ROCK1: variants seen among roughly 807,000 people sequenced by gnomAD.
The protein encoded by ROCK1 is rho-associated protein kinase 1.
In ROCK1, 36 loss-of-function variants were observed where a neutral mutation model predicts 196.8. The observed-to-expected ratio is 0.18, with a 90% confidence interval of 0.14 to 0.24. The LOEUF (loss-of-function observed/expected upper bound fraction) is 0.24, where lower values mean the gene tolerates loss of function less well. Among genes scored for constraint, ROCK1 ranks in the 10% least tolerant of loss-of-function variants. The pLI is 1.00. For missense variants in ROCK1, 920 were observed against 1,562.0 expected (o/e 0.59, Z 6.93); for synonymous variants, 443 against 515.9 (o/e 0.86, Z 1.91).
rs1313115401 is a variant in ROCK1, at chr18:21,000,360, T to C, written c.1885+5991A>G. ...TCACTGCAACCGCTGCCTCCCAGGC[T>C]CAAGTGATCCTCCGGCCTCAGTCCC... On this transcript the variant is annotated intron_variant, in intron 16 of 32. Coordinates refer to ENST00000399799, the MANE Select transcript of ROCK1 (RefSeq NM_005406.3). Among the ~76,000 whole-genome samples the C allele has an allele frequency of 2.0e-5, 3 of 151,986 alleles. No homozygotes were observed. In the East Asian group the frequency reaches 5.8e-4, roughly 29 times the overall value.
intron 27 of ROCK1, among the ~76,000 whole-genome samples, chr18:20,961,027 G>A (rs1344170460): frequency 6.6e-6 from 1 of 151,952 alleles, no homozygotes; most frequent in African/African-American, 2.4e-5. Context: ...ATTTGATCAA[G>A]GCATTTTATA....
At chr18:21,067,921 T>C (rs1161466735) in intron 2 of ROCK1, among the ~76,000 whole-genome samples, 1 of 152,188 alleles carries the variant, frequency 6.6e-6, no homozygotes, top group African/African-American at 2.4e-5. Context: ...CCAAATTCAT[T>C]CCCTTGCGTA....
At chr18:20,960,728 A>C (rs1439471634) in intron 27 of ROCK1, 1 of 152,138 alleles carries the variant, frequency 6.6e-6, no homozygotes, top group Non-Finnish European at 1.5e-5. Flanking sequence ...ATAAAGAATA[A>C]GAGACAAGTA....
intron 19 of ROCK1, 89 bp downstream of exon 19, chr18:20,986,861 T>C (rs996584400): frequency 2.6e-6 from 3 of 1,140,834 alleles, no homozygotes; most frequent in South Asian, 3.1e-5. Flanking sequence ...ATCTCCTTCA[T>C]GGTGTTTAAA....
At chr18:21,067,703 TC>T (rs2036348319) in intron 2 of ROCK1, among the ~76,000 whole-genome samples, 1 of 152,166 alleles carries the variant, frequency 6.6e-6, no homozygotes, top group Non-Finnish European at 1.5e-5. Context: ...CTTGATAGTA[TC>T]TTTGAAGCAT....
chr18:21,045,899 GTTTTTTTTTT>G (rs34360056), intron 4 of ROCK1, among the ~76,000 whole-genome samples: 6 of 62,494 alleles, frequency 9.6e-5, no homozygotes, highest in African/African-American at 3.5e-4. Context: ...AGTTTCAGCT[GTTTTTTTTTT>G]TTTTTTTTTT....
intron 16 of ROCK1, among the ~76,000 whole-genome samples, chr18:21,001,486 T>TGC (rs1173810868): frequency 2.6e-5 from 4 of 152,108 alleles, no homozygotes; most frequent in Non-Finnish European, 4.4e-5. Context: ...CAAGGGAGGC[T>TGC]GCCAGGCATG....
At chr18:20,965,070 TGGTCA>T (rs369266074) in intron 27 of ROCK1, among the ~76,000 whole-genome samples, 8 of 152,212 alleles carry the variant, frequency 5.3e-5, no homozygotes, top group African/African-American at 1.9e-4. Flanking sequence ...AAAATAAAAT[TGGTCA>T]GGATTTCGAA....
At chr18:21,015,115 CAT>C (rs998652034) in intron 13 of ROCK1, among the ~76,000 whole-genome samples, 1 of 152,070 alleles carries the variant, frequency 6.6e-6, no homozygotes, top group African/African-American at 2.4e-5. Flanking sequence ...CTCTTTCTGA[CAT>C]AGTTTGAGAT....
At chr18:20,974,971 T>C (rs1481458306) in intron 22 of ROCK1, among the ~76,000 whole-genome samples, 1 of 152,216 alleles carries the variant, frequency 6.6e-6, no homozygotes, top group Non-Finnish European at 1.5e-5. Flanking sequence ...GTCTCCTGAA[T>C]TGTTTAATTT....
intron 4 of ROCK1, among the ~76,000 whole-genome samples, chr18:21,048,723 T>A (rs563281152): frequency 6.6e-6 from 1 of 152,008 alleles, no homozygotes; most frequent in Non-Finnish European, 1.5e-5. Flanking sequence ...ATAATTTTTT[T>A]AATTTTTTGT....
intron 1 of ROCK1, among the ~76,000 whole-genome samples, chr18:21,098,833 TATTA>T (rs1342121054): frequency 2.0e-5 from 3 of 152,176 alleles, no homozygotes; most frequent in Non-Finnish European, 1.5e-5. Context: ...CAGAAATTGA[TATTA>T]ATGTTAGAAT....
intron 22 of ROCK1, among the ~76,000 whole-genome samples, chr18:20,973,906 G>A (rs765373457): frequency 6.7e-6 from 1 of 149,946 alleles, no homozygotes; most frequent in African/African-American, 2.5e-5. Context: ...TCAGCCTCCC[G>A]AGTAGCTGGG....
chr18:21,034,597 AC>A (rs1183893111), intron 9 of ROCK1, among the ~76,000 whole-genome samples: 1 of 152,208 alleles, frequency 6.6e-6, no homozygotes, highest in East Asian at 1.9e-4. Flanking sequence ...ATATCCACAT[AC>A]AAAAATGTTA....
chr18:20,968,747 T>C, intron 25 of ROCK1, 25 bp downstream of exon 25: 1 of 1,367,088 alleles, frequency 7.3e-7, no homozygotes. Flanking sequence ...AATGAACATG[T>C]GGAAAAGATC....
chr18:21,081,689 T>C (rs1274911081), intron 1 of ROCK1, among the ~76,000 whole-genome samples: 1 of 152,136 alleles, frequency 6.6e-6, no homozygotes, highest in Non-Finnish European at 1.5e-5. Flanking sequence ...GACATTCCTA[T>C]CAATTCTACA....
intron 32 of ROCK1, among the ~76,000 whole-genome samples, chr18:20,952,806 A>C (rs2035203291): frequency 6.6e-6 from 1 of 151,856 alleles, no homozygotes; most frequent in South Asian, 2.1e-4. Context: ...GGGGGTCATG[A>C]GTTCACATCC....
chr18:21,028,261 CA>C (rs2143477821), intron 10 of ROCK1, among the ~76,000 whole-genome samples: 1 of 150,966 alleles, frequency 6.6e-6, no homozygotes, highest in South Asian at 2.1e-4. Context: ...ACTAAAAATA[CA>C]AAAATTAGCT....
At chr18:20,965,154 C>T (rs1460316819) in intron 27 of ROCK1, among the ~76,000 whole-genome samples, 1 of 152,104 alleles carries the variant, frequency 6.6e-6, no homozygotes, top group Non-Finnish European at 1.5e-5. Flanking sequence ...CTTTGGAAGG[C>T]CAAGGCAGGC....
Sources: gnomAD v4.1 joint callset for allele counts (sites outside exome capture counted in the v4.1 genomes callset) on GRCh38, gnomAD v4.1.1 for gene constraint, MANE v1.5 for transcripts, NCBI Gene and HGNC (gene_info 2026-07-23, HGNC 2026-07-21) for gene names.